The following RGS22 variants were observed in gnomAD, a reference collection of about 807,000 sequenced individuals.
RGS22 encodes the protein regulator of G protein signaling 22.
A neutral mutation model predicts 172.9 loss-of-function variants in RGS22; 148 were observed. The observed-to-expected ratio is 0.86, with a 90% CI of 0.75 to 0.98. RGS22 has a LOEUF of 0.98. Ranked by LOEUF, RGS22 falls within the 50% of genes least tolerant of loss-of-function variation. The probability of loss-of-function intolerance (pLI) is 0.00; values close to 1 mark genes in which losing one functional copy is unlikely to be tolerated. For missense variants in RGS22, 1,347 were observed against 1,440.8 expected, an observed-to-expected ratio of 0.93 and a Z score of 1.05; for synonymous variants, 458 against 480.2, an observed-to-expected ratio of 0.95 and a Z score of 0.60.
chr8:100,032,816 T>C (rs1818982585), intron 14 of RGS22, among the ~76,000 whole-genome samples: 1 of 152,076 alleles, frequency 6.6e-6, no homozygotes, highest in Non-Finnish European at 1.5e-5. Context: ...CAACAAACTA[T>C]CTCTCAGACC....
intron 5 of RGS22, 58 bp from the exon 6 acceptor site, chr8:100,071,595 G>GA: frequency 2.1e-6 from 3 of 1,433,892 alleles, no homozygotes; most frequent in African/African-American, 1.4e-5. Flanking sequence ...AGAATTCAGG[G>GA]AAAAAACCTA....
intron 22 of RGS22, among the ~76,000 whole-genome samples, chr8:99,981,036 T>A (rs927568102): frequency 7.2e-5 from 11 of 152,320 alleles, no homozygotes; most frequent in South Asian, 6.2e-4. Context: ...AATCTAAGAA[T>A]AATCGCCTTT....
At chr8:100,089,337 T>A (rs1391152689) in intron 3 of RGS22, among the ~76,000 whole-genome samples, 2 of 152,098 alleles carry the variant, frequency 1.3e-5, no homozygotes, top group Non-Finnish European at 2.9e-5. Context: ...ATTCTAAAGT[T>A]CCTTCTTATG....
rs540208162 is a variant in RGS22 at position 100,052,775 on chromosome 8, A to G, written c.1689+27T>C. Reference sequence around the variant, plus strand: ...ACATATTTTACTACAAACTTAGTAGAGATCACAGCATGAATGTACACCCTA... The same window carrying G: ...ACATATTTTACTACAAACTTAGTAGGGATCACAGCATGAATGTACACCCTA... On this transcript the variant is annotated intron_variant, in intron 10 of 27. Transcript: ENST00000360863. The G allele has an allele frequency of 6.9e-6, 11 of 1,599,962 alleles. No homozygotes were observed. In the East Asian group the frequency reaches 2.0e-4, roughly 29 times the overall value.
intron 6 of RGS22, 50 bp downstream of exon 6, chr8:100,071,319 C>A: frequency 6.9e-7 from 1 of 1,441,286 alleles, no homozygotes. Context: ...AAAATAAAAT[C>A]AGAAGTGTTA....
At chr8:99,995,703 C>T (rs1406709984) in intron 20 of RGS22, among the ~76,000 whole-genome samples, 2 of 152,140 alleles carry the variant, frequency 1.3e-5, no homozygotes, top group Admixed American at 6.5e-5. Flanking sequence ...GACAGTGTGG[C>T]GATTCCTCAA....
chr8:100,097,093 T>C (rs1407363336), intron 2 of RGS22, among the ~76,000 whole-genome samples: 2 of 152,112 alleles, frequency 1.3e-5, no homozygotes, highest in East Asian at 3.8e-4. Flanking sequence ...GCTGAGGACA[T>C]AGATAAACAC....
chr8:100,055,673 G>C (rs766485125), intron 9 of RGS22, among the ~76,000 whole-genome samples: 4 of 152,156 alleles, frequency 2.6e-5, no homozygotes, highest in Non-Finnish European at 5.9e-5. Context: ...TCTTTCCCAT[G>C]CTGTTCTCCT....
Position 100,063,895 on chromosome 8 carries a change from C to G in RGS22, c.873G>C (p.Leu291=). ...CCTGTTTCTTTTCAAGGTATACTCT[C>G]AGAAGAGCTTGAGAAGGAGTGTCTT... ...SLQDTPSQAL[L]RVYLEKKQDV... Residue 291 remains leucine (L), a synonymous_variant, in exon 8 of 28, where the codon CTG becomes CTC. Transcript: ENST00000360863. 1 of 1,609,756 alleles carries G rather than the reference C, an allele frequency of 6.2e-7. No homozygotes were observed. The highest frequency in any genetic ancestry group is 8.5e-7 in the Non-Finnish European group (1 of 1,178,080).
In RGS22 at chr8:100,052,798, C is replaced by CT. The variant is rs1698621121; in HGVS notation, c.1689+3dup. On this transcript the variant is annotated splice_donor_region_variant and intron_variant, in intron 10 of 27. Coordinates refer to ENST00000360863, the MANE Select transcript of RGS22 (RefSeq NM_015668.5). Reference sequence around the variant, plus strand: ...AGAGATCACAGCATGAATGTACACCCTACCTGGATCTCAGGTATCTGTGGA... The same window carrying CT: ...AGAGATCACAGCATGAATGTACACCCTTACCTGGATCTCAGGTATCTGTGGA... The CT allele has an allele frequency of 5.0e-6, 8 of 1,612,080 alleles. No individual in the cohort carries two copies. Among genetic ancestry groups the CT allele is most frequent in the Non-Finnish European group, 6.8e-6 (8 of 1,178,384 alleles).
chr8:100,036,901 T>C (rs554946710), intron 14 of RGS22, among the ~76,000 whole-genome samples: 89 of 152,220 alleles, frequency 5.8e-4, no homozygotes, highest in African/African-American at 2.0e-3. Context: ...GCCTGGCCCA[T>C]AGCAATTTTT....
At chr8:100,069,553 T>G (rs1810792611) in intron 6 of RGS22, among the ~76,000 whole-genome samples, 1 of 152,202 alleles carries the variant, frequency 6.6e-6, no homozygotes, top group African/African-American at 2.4e-5. Flanking sequence ...ACAAATGTAT[T>G]TGATAACAAC....
chr8:100,038,710 G>C, intron 14 of RGS22: 1 of 366,708 alleles, frequency 2.7e-6, no homozygotes, highest in South Asian at 9.5e-5. Context: ...TAGTTGGCAA[G>C]AGAAAATAAA....
intron 3 of RGS22, among the ~76,000 whole-genome samples, chr8:100,090,393 T>A (rs558200343): frequency 6.6e-6 from 1 of 151,138 alleles, no homozygotes; most frequent in Admixed American, 6.6e-5. Context: ...CAGGAAAGAG[T>A]ATGCAGGATG....
At chr8:100,004,588 A>G (rs1369523644) in intron 16 of RGS22, 1 of 153,456 alleles carries the variant, frequency 6.5e-6, no homozygotes, top group Non-Finnish European at 1.5e-5. Flanking sequence ...ATTAGATACT[A>G]TGATGGTTGC....
Position 100,008,546 on chromosome 8 carries a change from A to G in RGS22, c.2190T>C (p.Ala730=). 1 of 1,610,182 alleles carries G rather than the reference A, an allele frequency of 6.2e-7. No homozygotes were observed. The highest frequency in any genetic ancestry group is 1.3e-5 in the African/African-American group (1 of 74,494). The change falls in exon 15 of 28, where the codon GCT becomes GCC. Residue 730 remains alanine, a synonymous_variant. Coordinates refer to ENST00000360863, the MANE Select transcript of RGS22 (RefSeq NM_015668.5). ...GTCCAATGTCAAGAGTGGCAGAAGG[A>G]GCAACGTATGTGGCAAAAAGATACT... is the stretch of plus-strand genomic sequence containing the variant. ...QAQYLFATYV[A]PSATLDIGLQ... is the part of the protein sequence containing the mutation.
chr8:100,059,567 G>A (rs1488455958), intron 9 of RGS22, among the ~76,000 whole-genome samples: 1 of 151,888 alleles, frequency 6.6e-6, no homozygotes, highest in Non-Finnish European at 1.5e-5. Context: ...AATGATAAAG[G>A]GGTCAATTCA....
chr8:100,089,211 AAC>A (rs58302018), intron 3 of RGS22, among the ~76,000 whole-genome samples: 1,579 of 144,110 alleles, frequency 0.011, 8 homozygotes, highest in Middle Eastern at 0.028. Flanking sequence ...CACACACACA[AAC>A]ACACACACAC....
intron 14 of RGS22, among the ~76,000 whole-genome samples, chr8:100,027,473 TATTTC>T (rs1452628696): frequency 6.6e-6 from 1 of 152,132 alleles, no homozygotes; most frequent in Non-Finnish European, 1.5e-5. Context: ...TAGTATATTT[TATTTC>T]ATTTTATTTA....
Sources: gnomAD v4.1 joint callset for allele counts (sites outside exome capture counted in the v4.1 genomes callset) on GRCh38, gnomAD v4.1.1 for gene constraint, MANE v1.5 for transcripts, NCBI Gene and HGNC (gene_info 2026-07-23, HGNC 2026-07-21) for gene names.